The following DCDC2C variants were observed in gnomAD, a reference collection of about 807,000 sequenced individuals.
DCDC2C encodes doublecortin domain-containing protein 2C.
Under a neutral mutation model 45.0 loss-of-function variants are expected in DCDC2C, and 44 were observed. The observed-to-expected ratio is 0.98, with a 90% CI of 0.77 to 1.26. The LOEUF is 1.26. DCDC2C is among the 50% of genes most tolerant of loss of function. DCDC2C has a pLI of 0.00. For synonymous variants in DCDC2C, 187 were observed against 178.8 expected (o/e 1.05, Z -0.37); for missense variants, 447 against 468.9 (o/e 0.95, Z 0.43).
At position 3,742,009 on chromosome 2, in the gene DCDC2C, C is replaced by G. The variant is rs1390983491; in HGVS notation, c.506C>G (p.Thr169Arg). ...TCCGATTGGGACATCGTGCTGGCCA[C>G]GATCGGAGAAAAAGTCTTCCCTCTA... ...SLSDWDIVLA[T>R]IGEKVFPLGG... The change falls in exon 4 of 11, where the codon ACG becomes AGG. Residue 169 changes from threonine to arginine, a missense_variant. Thr to Arg is a moderately conservative substitution (Grantham distance 71, BLOSUM62 -1). Transcript: ENST00000399143. The G allele has an allele frequency of 1.9e-6, 3 of 1,547,570 alleles. No homozygotes were observed. Among genetic ancestry groups the G allele is most frequent in the South Asian group, 2.4e-5 (2 of 82,956 alleles).
intron 10 of DCDC2C, among the ~76,000 whole-genome samples, chr2:3,791,346 C>T (rs1361144804): frequency 1.3e-5 from 2 of 151,990 alleles, no homozygotes; most frequent in Non-Finnish European, 2.9e-5. Flanking sequence ...ATTAATCAAA[C>T]ACACGGTATT....
intron 3 of DCDC2C, among the ~76,000 whole-genome samples, chr2:3,727,415 G>T (rs2148075963): frequency 6.6e-6 from 1 of 152,288 alleles, no homozygotes; most frequent in African/African-American, 2.4e-5. Context: ...TTTAGGCTCT[G>T]AAGCTTTGTT....
chr2:3,740,076 TTC>T (rs1285332508), intron 3 of DCDC2C, among the ~76,000 whole-genome samples: 3 of 152,260 alleles, frequency 2.0e-5, no homozygotes, highest in African/African-American at 7.2e-5. Context: ...ACTCCTAGTG[TTC>T]TTTCTGTAGC....
intron 1 of DCDC2C, among the ~76,000 whole-genome samples, chr2:3,707,161 A>G (rs116699453): frequency 0.014 from 2,165 of 152,286 alleles, 58 homozygotes; most frequent in African/African-American, 0.049. Context: ...TAAAGACCTC[A>G]GGTCATGGGC....
intron 10 of DCDC2C, among the ~76,000 whole-genome samples, chr2:3,813,437 G>A (rs551128182): frequency 6.6e-6 from 1 of 152,172 alleles, no homozygotes; most frequent in South Asian, 2.1e-4. Flanking sequence ...TTTATCCAGA[G>A]TTGAGTTCAA....
At position 3,734,171 on chromosome 2, in the gene DCDC2C, G is replaced by A. The variant is rs750646683; in HGVS notation, c.416+7092G>A. ...CCCCAAAGGCATGGCGGCTGTCAGC[G>A]TGGATGTTTCACCTTCATTTCTTCT... On this transcript the variant is annotated intron_variant, in intron 3 of 10. Transcript: ENST00000399143. The surrounding 1 kb of genome is among the most constrained non-coding windows in gnomAD (Gnocchi z 4.2). Among the ~76,000 whole-genome samples the A allele has an allele frequency of 4.1e-4, 62 of 152,206 alleles. No homozygotes were observed. The highest frequency in any genetic ancestry group is 1.2e-3 in the Admixed American group (19 of 15,286).
In DCDC2C at chr2:3,724,973, T is replaced by C. The variant is rs542410622; in HGVS notation, c.340-2030T>C. Among the ~76,000 whole-genome samples the C allele has an allele frequency of 2.0e-5, 3 of 151,998 alleles. No homozygotes were observed. The East Asian group carries it at 5.8e-4, about 30-fold the overall frequency. On this transcript the variant is annotated intron_variant, in intron 2 of 10. Transcript: ENST00000399143. The stretch of plus-strand genomic sequence containing the variant: ...CTGCTGGAACCTCTTCTGTGCTAAG[T>C]TGGGTCTGGGTTGGGAAGGGAGAGG...
intron 7 of DCDC2C, chr2:3,769,032 A>G: frequency 2.9e-6 from 1 of 348,068 alleles, no homozygotes; most frequent in Non-Finnish European, 5.4e-6. Context: ...TGGGCACAGC[A>G]ATTGCATGAC....
intron 8 of DCDC2C, 31 bp downstream of exon 8, chr2:3,769,442 T>C: frequency 6.5e-7 from 1 of 1,535,334 alleles, no homozygotes; most frequent in African/African-American, 1.4e-5. Flanking sequence ...GTCCATGCCG[T>C]CTTCACTCCA....
chr2:3,825,105 C>T (rs1349296939), intron 10 of DCDC2C, among the ~76,000 whole-genome samples: 1 of 152,166 alleles, frequency 6.6e-6, no homozygotes, highest in East Asian at 1.9e-4. Context: ...CGGCAGTGGG[C>T]TCCTTTCCAG....
chr2:3,766,715 G>C (rs1178533235), intron 6 of DCDC2C, among the ~76,000 whole-genome samples: 1 of 152,012 alleles, frequency 6.6e-6, no homozygotes. Context: ...TAGAGAGCTC[G>C]AGAGAAATAC....
intron 3 of DCDC2C, among the ~76,000 whole-genome samples, chr2:3,729,830 C>T (rs112617949): frequency 0.032 from 4,844 of 152,196 alleles, 255 homozygotes; most frequent in African/African-American, 0.1. Flanking sequence ...TGTTTAGTGG[C>T]GGGGCTAGGG....
At chr2:3,772,557 G>A (rs1670204755) in intron 8 of DCDC2C, among the ~76,000 whole-genome samples, 1 of 152,188 alleles carries the variant, frequency 6.6e-6, no homozygotes. Flanking sequence ...CTGAATGTGG[G>A]CAGGGAGGGT....
chr2:3,721,619 T>A (rs1428438360), intron 2 of DCDC2C, among the ~76,000 whole-genome samples: 1 of 152,128 alleles, frequency 6.6e-6, no homozygotes, highest in Non-Finnish European at 1.5e-5. Flanking sequence ...CCCACCCAAA[T>A]CTTATCTTGT....
intron 5 of DCDC2C, among the ~76,000 whole-genome samples, chr2:3,753,700 A>C (rs571266118): frequency 6.6e-6 from 1 of 152,122 alleles, no homozygotes; most frequent in Non-Finnish European, 1.5e-5. Context: ...ACCAGATGTG[A>C]CAGTAAGGCA....
At chr2:3,707,943 AT>A (rs1489740227) in intron 1 of DCDC2C, among the ~76,000 whole-genome samples, 1 of 152,220 alleles carries the variant, frequency 6.6e-6, no homozygotes. Context: ...TCAGATATAA[AT>A]TTGAAGGTAT....
intron 1 of DCDC2C, among the ~76,000 whole-genome samples, chr2:3,708,110 A>G (rs1043044564): frequency 1.3e-5 from 2 of 151,830 alleles, no homozygotes; most frequent in South Asian, 2.1e-4. Context: ...ACAGTGCTGA[A>G]TTTCTGTGAG....
At position 3,840,423 on chromosome 2, in the gene DCDC2C, C is replaced by T. The variant is rs189256755; in HGVS notation, c.1066-6731C>T. 9.9e-4 allele frequency among the ~76,000 whole-genome samples: 151 copies of T among 152,180 alleles called. No individual in the cohort carries two copies. In the Middle Eastern group the frequency reaches 0.01, roughly 10 times the overall value. On this transcript the variant is annotated intron_variant, in intron 10 of 10. Transcript: ENST00000399143. ...AATTCAAGTAAAATATGCTTTTCGGCGGGGGTTGGGGGAAGAAAAATAAGA... is the reference window on the plus strand; with the variant it reads ...AATTCAAGTAAAATATGCTTTTCGGTGGGGGTTGGGGGAAGAAAAATAAGA...
At position 3,791,065 on chromosome 2, in the gene DCDC2C, C is replaced by T. The variant is rs576718227; in HGVS notation, c.1065+5965C>T. ...GCAGAGCTTGCAGGAGCCGAGATCG[C>T]GCCACTGCACTCCAGCCTGGGCCAC... On this transcript the variant is annotated intron_variant, in intron 10 of 10. Coordinates refer to ENST00000399143, the MANE Select transcript of DCDC2C (RefSeq NM_001287444.2). 7.9e-5 allele frequency among the ~76,000 whole-genome samples: 12 copies of T among 152,146 alleles called. No individual in the cohort carries two copies. The South Asian group carries it at 8.3e-4, about 11-fold the overall frequency.
Sources: allele counts gnomAD v4.1 joint callset (sites outside exome capture counted in the v4.1 genomes callset), GRCh38; gene constraint gnomAD v4.1.1; non-coding constraint Gnocchi (gnomAD v3.1); transcripts MANE v1.5; gene names NCBI Gene and HGNC (gene_info 2026-07-23, HGNC 2026-07-21).